LOC128462377: variants seen among roughly 807,000 people sequenced by gnomAD.
the LOC128462377 span, among the ~76,000 whole-genome samples, chr16:89,391,503 G>T: frequency 6.6e-6 from 1 of 152,166 alleles, no homozygotes; most frequent in Non-Finnish European, 1.5e-5. Flanking sequence ...CCACACAACT[G>T]GTCACAGACG....
the LOC128462377 span, among the ~76,000 whole-genome samples, chr16:89,363,871 C>T: frequency 4.0e-5 from 6 of 151,858 alleles, no homozygotes; most frequent in African/African-American, 1.5e-4. Flanking sequence ...GCCTGGCCAT[C>T]GTGGCAAAAC....
At chr16:89,351,032 C>G in the LOC128462377 span, among the ~76,000 whole-genome samples, 7 of 152,164 alleles carry the variant, frequency 4.6e-5, no homozygotes, top group Non-Finnish European at 8.8e-5. Context: ...CACCTAACAA[C>G]GCATTTCTCA....
At chr16:89,389,834 C>T in the LOC128462377 span, among the ~76,000 whole-genome samples, 4 of 124,262 alleles carry the variant, frequency 3.2e-5, no homozygotes, top group East Asian at 2.4e-4. Flanking sequence ...GGGCAAACAC[C>T]GAGTGTGGCG....
the LOC128462377 span, among the ~76,000 whole-genome samples, chr16:89,414,179 T>C: frequency 6.6e-6 from 1 of 152,240 alleles, no homozygotes; most frequent in Non-Finnish European, 1.5e-5. Context: ...CTTTTCCATC[T>C]TAAATGGAGA....
the LOC128462377 span, among the ~76,000 whole-genome samples, chr16:89,345,474 C>T: frequency 6.6e-6 from 1 of 152,172 alleles, no homozygotes; most frequent in Non-Finnish European, 1.5e-5. Context: ...AAGGACGAAG[C>T]CCCAAGCACG....
chr16:89,327,904 A>G, the LOC128462377 span, among the ~76,000 whole-genome samples: 3 of 152,258 alleles, frequency 2.0e-5, no homozygotes, highest in Non-Finnish European at 4.4e-5. Flanking sequence ...ACAAAATTAA[A>G]AACTTTTGCT....
the LOC128462377 span, among the ~76,000 whole-genome samples, chr16:89,392,127 G>A: frequency 2.0e-5 from 3 of 152,144 alleles, no homozygotes; most frequent in East Asian, 1.9e-4. Flanking sequence ...AATGGAAACC[G>A]GACACAGCAG....
At chr16:89,384,538 C>CTGGGATGGGATGGGA in the LOC128462377 span, among the ~76,000 whole-genome samples, 363 of 148,328 alleles carry the variant, frequency 2.4e-3, no homozygotes, top group African/African-American at 8.2e-3. Context: ...TGGGATGGGA[C>CTGGGATGGGATGGGA]TGGGATGGGA....
chr16:89,404,684 G>A, the LOC128462377 span, among the ~76,000 whole-genome samples: 2 of 152,224 alleles, frequency 1.3e-5, no homozygotes, highest in African/African-American at 4.8e-5. Context: ...CCACAAAGTG[G>A]CATGTTCAAC....
At chr16:89,352,649 T>G in the LOC128462377 span, among the ~76,000 whole-genome samples, 1 of 152,164 alleles carries the variant, frequency 6.6e-6, no homozygotes, top group Non-Finnish European at 1.5e-5. Context: ...TCCGCTCCAC[T>G]CATCAGCACC....
At chr16:89,406,954 G>C in the LOC128462377 span, among the ~76,000 whole-genome samples, 2 of 152,218 alleles carry the variant, frequency 1.3e-5, no homozygotes, top group African/African-American at 4.8e-5. Context: ...CAGGGGAAGG[G>C]GGAGCAGATC....
the LOC128462377 span, among the ~76,000 whole-genome samples, chr16:89,325,735 G>A: frequency 1.1e-3 from 170 of 152,320 alleles, 1 homozygote; most frequent in African/African-American, 3.9e-3. Context: ...TGGGTTCTCA[G>A]CTGAAGCAGT....
At chr16:89,388,450 T>C in the LOC128462377 span, among the ~76,000 whole-genome samples, 2 of 152,020 alleles carry the variant, frequency 1.3e-5, no homozygotes, top group Non-Finnish European at 2.9e-5. Flanking sequence ...TGATTTTTAA[T>C]GTCTTGAAAA....
chr16:89,326,357 G>A, the LOC128462377 span, among the ~76,000 whole-genome samples: 2 of 152,132 alleles, frequency 1.3e-5, no homozygotes, highest in South Asian at 2.1e-4. Context: ...AGGACGGTCT[G>A]CAGAAGGGGA....
chr16:89,330,512 G>T, the LOC128462377 span, among the ~76,000 whole-genome samples: 1 of 152,210 alleles, frequency 6.6e-6, no homozygotes, highest in South Asian at 2.1e-4. Flanking sequence ...GAGGGTCCCC[G>T]TGACGTGGCA....
chr16:89,349,084 CACCACTGCACTCT>C, the LOC128462377 span, among the ~76,000 whole-genome samples: 1 of 126,228 alleles, frequency 7.9e-6, no homozygotes, highest in Non-Finnish European at 1.6e-5. Context: ...GTCTAGATGG[CACCACTGCACTCT>C]AGCCTGGGGG....
At chr16:89,355,316 C>CA in the LOC128462377 span, among the ~76,000 whole-genome samples, 1 of 152,156 alleles carries the variant, frequency 6.6e-6, no homozygotes, top group Admixed American at 6.5e-5. Context: ...ACGGCTCACA[C>CA]AGACCCACAA....
At chr16:89,345,443 C>T in the LOC128462377 span, among the ~76,000 whole-genome samples, 3 of 152,204 alleles carry the variant, frequency 2.0e-5, no homozygotes, top group African/African-American at 2.4e-5. Context: ...CCCGTCCATT[C>T]CTCTGTCCCT....
At chr16:89,372,619 T>C in the LOC128462377 span, among the ~76,000 whole-genome samples, 2 of 152,168 alleles carry the variant, frequency 1.3e-5, no homozygotes, top group Admixed American at 1.3e-4. Flanking sequence ...AATACTGAAA[T>C]TAAAAAATGT....
Sources: allele counts gnomAD v4.1 joint callset (sites outside exome capture counted in the v4.1 genomes callset), GRCh38; gene constraint gnomAD v4.1.1; transcripts MANE v1.5.